THSD4: variants seen among roughly 807,000 people sequenced by gnomAD.
The protein encoded by THSD4 is thrombospondin type-1 domain-containing protein 4.
Under a neutral mutation model 119.0 loss-of-function variants are expected in THSD4, and 69 were observed. That is an observed-to-expected ratio of 0.58 (90% confidence interval 0.48 to 0.71). The LOEUF is 0.71. Ranked by LOEUF, THSD4 falls within the 30% of genes least tolerant of loss-of-function variation. The pLI, the probability that THSD4 is intolerant of heterozygous loss-of-function variation, is 0.00. For synonymous variants in THSD4, 524 were observed against 540.4 expected, an observed-to-expected ratio of 0.97 and a Z score of 0.42; for missense variants, 1,393 against 1,391.1, an observed-to-expected ratio of 1.00 and a Z score of -0.02.
rs2051412919 is a variant in THSD4 at position 71,666,117 on chromosome 15, G to T, written c.1357+5383G>T. ...GCAGTATAGCCATTTTAATGATATT[G>T]GTTCTTCCTATCCATGAGCATGGAA... On this transcript the variant is annotated intron_variant, in intron 8 of 17. Transcript: ENST00000261862. Among the ~76,000 whole-genome samples, 5 of 152,192 alleles carry T rather than the reference G, an allele frequency of 3.3e-5. No homozygotes were observed. In the South Asian group the frequency reaches 1.0e-3, roughly 32 times the overall value.
chr15:71,228,909 A>C (rs1374434667), intron 4 of THSD4, among the ~76,000 whole-genome samples: 1 of 152,222 alleles, frequency 6.6e-6, no homozygotes, highest in Non-Finnish European at 1.5e-5. Flanking sequence ...GCAGCAATTA[A>C]TTAAAATTGC....
chr15:71,323,005 G>A lies in THSD4; in HGVS notation c.1015+66290G>A, dbSNP rs187921040. Among the ~76,000 whole-genome samples, 318 of 151,364 alleles carry A rather than the reference G, an allele frequency of 2.1e-3. 1 individual carries two copies. The highest frequency in any genetic ancestry group is 6.9e-3 in the Middle Eastern group (2 of 290). On this transcript the variant is annotated intron_variant, in intron 6 of 17. Coordinates refer to ENST00000261862, the MANE Select transcript of THSD4 (RefSeq NM_024817.3). Reference sequence around the variant, plus strand: ...CCAGCTACTCAGGAGGCTGAGGTGGGAGGATCACCTGAGCCTGGGAGGTTG... The same window carrying A: ...CCAGCTACTCAGGAGGCTGAGGTGGAAGGATCACCTGAGCCTGGGAGGTTG...
chr15:71,190,574 C>A (rs1289911199), intron 3 of THSD4, among the ~76,000 whole-genome samples: 1 of 152,180 alleles, frequency 6.6e-6, no homozygotes, highest in African/African-American at 2.4e-5. Flanking sequence ...ATTCCCCTTG[C>A]AGAGCATCCC....
chr15:71,748,738 T>G, intron 14 of THSD4, 144 bp downstream of exon 14: 1 of 1,048,218 alleles, frequency 9.5e-7, no homozygotes, highest in Non-Finnish European at 1.3e-6. Flanking sequence ...GGAATTATCG[T>G]AGGCTTTCTA....
intron 15 of THSD4, among the ~76,000 whole-genome samples, chr15:71,761,733 G>A (rs1275792818): frequency 6.6e-6 from 1 of 151,804 alleles, no homozygotes; most frequent in Non-Finnish European, 1.5e-5. Flanking sequence ...TTTTTATTTT[G>A]CTAAAGACTA....
intron 6 of THSD4, among the ~76,000 whole-genome samples, chr15:71,390,005 A>G (rs1393096513): frequency 6.6e-6 from 1 of 151,704 alleles, no homozygotes; most frequent in South Asian, 2.1e-4. Flanking sequence ...GCATTTCACC[A>G]TATTGGCCAG....
chr15:71,155,033 T>C, intron 3 of THSD4, 101 bp downstream of exon 3: 2 of 1,103,072 alleles, frequency 1.8e-6, no homozygotes, highest in Non-Finnish European at 2.8e-6. Context: ...GAGTCACCAC[T>C]GATCCTGAAA....
intron 6 of THSD4, among the ~76,000 whole-genome samples, chr15:71,411,291 T>C (rs1333260292): frequency 1.3e-5 from 2 of 152,182 alleles, no homozygotes; most frequent in Admixed American, 1.3e-4. Context: ...CTTCCCTCTA[T>C]CATCAAATAT....
At chr15:71,514,980 A>G (rs542579387) in intron 7 of THSD4, among the ~76,000 whole-genome samples, 2 of 152,226 alleles carry the variant, frequency 1.3e-5, no homozygotes, top group Non-Finnish European at 2.9e-5. Context: ...ACCCCCTACA[A>G]GAGAACATCT....
intron 6 of THSD4, among the ~76,000 whole-genome samples, chr15:71,338,560 G>A (rs540915453): frequency 1.3e-5 from 2 of 152,158 alleles, no homozygotes; most frequent in Non-Finnish European, 2.9e-5. Flanking sequence ...TGTCTTTAGA[G>A]ACAGGCAGGA....
chr15:71,741,150 C>G (rs1046777113), intron 11 of THSD4, among the ~76,000 whole-genome samples: 4 of 152,114 alleles, frequency 2.6e-5, no homozygotes, highest in African/African-American at 9.7e-5. Context: ...CTGCCTTTTC[C>G]CATGTTCTGT....
At chr15:71,142,237 G>A (rs2040611702) in intron 2 of THSD4, among the ~76,000 whole-genome samples, 1 of 151,766 alleles carries the variant, frequency 6.6e-6, no homozygotes, top group Non-Finnish European at 1.5e-5. Flanking sequence ...ACCATGCGTG[G>A]CAAGTTGAGT....
chr15:71,316,250 C>G (rs993000457), intron 6 of THSD4, among the ~76,000 whole-genome samples: 1 of 152,174 alleles, frequency 6.6e-6, no homozygotes, highest in Non-Finnish European at 1.5e-5. Flanking sequence ...TGCTAAACAG[C>G]CCCTCCTTTA....
At chr15:71,640,980 G>GACACACACAC (rs10551548) in intron 7 of THSD4, among the ~76,000 whole-genome samples, 1 of 146,724 alleles carries the variant, frequency 6.8e-6, no homozygotes, top group Admixed American at 6.8e-5. Flanking sequence ...CCCACCTACA[G>GACACACACAC]ACACACACAC....
intron 7 of THSD4, among the ~76,000 whole-genome samples, chr15:71,544,543 A>G (rs1364738191): frequency 6.6e-6 from 1 of 152,210 alleles, no homozygotes; most frequent in Admixed American, 6.5e-5. Flanking sequence ...TTGAACCTTC[A>G]TGCATTGCTG....
intron 8 of THSD4, among the ~76,000 whole-genome samples, chr15:71,701,282 A>G (rs2052283788): frequency 6.6e-6 from 1 of 152,220 alleles, no homozygotes; most frequent in Non-Finnish European, 1.5e-5. Context: ...ATTACCCACT[A>G]GTAATCAGGA....
chr15:71,441,728 C>T (rs1404561043), intron 7 of THSD4, among the ~76,000 whole-genome samples: 6 of 151,908 alleles, frequency 3.9e-5, no homozygotes, highest in Admixed American at 2.0e-4. Context: ...TAGTAACATG[C>T]AGTAGGACTT....
intron 1 of THSD4, among the ~76,000 whole-genome samples, chr15:71,100,390 A>G (rs910900965): frequency 6.6e-6 from 1 of 152,156 alleles, no homozygotes; most frequent in African/African-American, 2.4e-5. Flanking sequence ...GAGGCCTTCA[A>G]TCCAACAGCC....
intron 7 of THSD4, among the ~76,000 whole-genome samples, chr15:71,570,517 C>T (rs1189065316): frequency 6.6e-6 from 1 of 152,056 alleles, no homozygotes; most frequent in Admixed American, 6.6e-5. Flanking sequence ...AGCGATTCTC[C>T]TGCCTCAGCC....
Sources: allele counts gnomAD v4.1 joint callset (sites outside exome capture counted in the v4.1 genomes callset), GRCh38; gene constraint gnomAD v4.1.1; transcripts MANE v1.5; gene names NCBI Gene and HGNC (gene_info 2026-07-23, HGNC 2026-07-21).